GPC5: variants seen among roughly 807,000 people sequenced by gnomAD.
The protein encoded by GPC5 is glypican-5.
In GPC5, 47 loss-of-function variants were observed where a neutral mutation model predicts 53.9. The observed-to-expected ratio is 0.87, with a 90% CI of 0.69 to 1.11. GPC5 has a LOEUF of 1.11. Ranked by LOEUF, GPC5 falls within the 50% of genes most tolerant of loss-of-function variation. The pLI is 0.00. For synonymous variants in GPC5, 286 were observed against 263.3 expected, an observed-to-expected ratio of 1.09 and a Z score of -0.84; for missense variants, 748 against 713.1, an observed-to-expected ratio of 1.05 and a Z score of -0.56.
At chr13:92,753,169 G>T (rs930478641) in intron 7 of GPC5, among the ~76,000 whole-genome samples, 14 of 152,126 alleles carry the variant, frequency 9.2e-5, no homozygotes, top group African/African-American at 3.4e-4. Context: ...TCCTAAAGTG[G>T]GTCCCTGACC....
intron 2 of GPC5, among the ~76,000 whole-genome samples, chr13:91,459,872 A>G (rs576837622): frequency 7.2e-5 from 11 of 152,324 alleles, no homozygotes; most frequent in African/African-American, 2.6e-4. Context: ...ACAATTCTAC[A>G]CAACAAAACA....
At chr13:92,304,179 G>A (rs1172777891) in intron 7 of GPC5, among the ~76,000 whole-genome samples, 1 of 151,690 alleles carries the variant, frequency 6.6e-6, no homozygotes, top group East Asian at 1.9e-4. Flanking sequence ...TGTAATGCAA[G>A]GCTTTGATAT....
At chr13:92,389,180 A>G (rs536101512) in intron 7 of GPC5, among the ~76,000 whole-genome samples, 1 of 152,280 alleles carries the variant, frequency 6.6e-6, no homozygotes, top group African/African-American at 2.4e-5. Flanking sequence ...ATACTGTACA[A>G]AAGTCTTAGT....
chr13:92,265,922 T>C (rs1175732536), intron 7 of GPC5, among the ~76,000 whole-genome samples: 2 of 152,072 alleles, frequency 1.3e-5, no homozygotes, highest in South Asian at 4.2e-4. Flanking sequence ...TGCTACATCA[T>C]CCCCAAAGGT....
At chr13:91,800,622 G>A (rs2038119147) in intron 5 of GPC5, among the ~76,000 whole-genome samples, 1 of 152,054 alleles carries the variant, frequency 6.6e-6, no homozygotes, top group Non-Finnish European at 1.5e-5. Flanking sequence ...TACATAATAT[G>A]CTTAATCTCT....
At chr13:92,047,921 G>A (rs1166118978) in intron 6 of GPC5, among the ~76,000 whole-genome samples, 1 of 151,806 alleles carries the variant, frequency 6.6e-6, no homozygotes, top group East Asian at 1.9e-4. Context: ...AACCTGGAAG[G>A]CAGAGGTTGG....
chr13:91,919,155 T>C (rs981861262), intron 6 of GPC5, among the ~76,000 whole-genome samples: 5 of 152,206 alleles, frequency 3.3e-5, no homozygotes, highest in African/African-American at 1.2e-4. Flanking sequence ...ACTAATCCAT[T>C]ACTACAGTCT....
intron 5 of GPC5, among the ~76,000 whole-genome samples, chr13:91,871,351 TGA>T: frequency 6.6e-6 from 1 of 151,352 alleles, no homozygotes; most frequent in East Asian, 1.9e-4. Flanking sequence ...GGGGTCTACT[TGA>T]GAGAGGGGTG....
chr13:91,838,031 T>C (rs865915831), intron 5 of GPC5, among the ~76,000 whole-genome samples: 1 of 152,106 alleles, frequency 6.6e-6, no homozygotes, highest in African/African-American at 2.4e-5. Flanking sequence ...ATAGAATGCA[T>C]TCAACAGTCA....
intron 6 of GPC5, among the ~76,000 whole-genome samples, chr13:91,957,821 G>A (rs1594687357): frequency 6.6e-6 from 1 of 151,994 alleles, no homozygotes; most frequent in East Asian, 1.9e-4. Flanking sequence ...GCAGGAGGAT[G>A]ATATCTACCA....
intron 7 of GPC5, among the ~76,000 whole-genome samples, chr13:92,764,504 A>T (rs942124432): frequency 1.3e-5 from 2 of 152,180 alleles, no homozygotes; most frequent in Admixed American, 6.5e-5. Flanking sequence ...AAACTGCAGA[A>T]GTCCCCAGTG....
chr13:92,502,880 C>A (rs1466972656), intron 7 of GPC5, among the ~76,000 whole-genome samples: 1 of 151,936 alleles, frequency 6.6e-6, no homozygotes, highest in African/African-American at 2.4e-5. Context: ...CTGGACACAG[C>A]AGTGCATACA....
chr13:92,347,882 T>TTATATATATTATATATATAA lies in GPC5; in HGVS notation c.1561+202903_1561+202922dup, dbSNP rs1594119893. Among the ~76,000 whole-genome samples the TTATATATATTATATATATAA allele has an allele frequency of 7.9e-3, 18 of 2,270 alleles. 4 individuals carry two copies. The highest frequency in any genetic ancestry group is 9.7e-3 in the African/African-American group (3 of 310). The allele number at this position is 2,270 out of a possible 152,430, so 1.5% of individuals were successfully genotyped here. On this transcript the variant is annotated intron_variant, in intron 7 of 7. Coordinates refer to ENST00000377067, the MANE Select transcript of GPC5 (RefSeq NM_004466.6). Reference sequence around the variant, plus strand: ...ATATATATTATATATATAATATATATTATATATATTATATATATAATATAT... The same window carrying TTATATATATTATATATATAA: ...ATATATATTATATATATAATATATATTATATATATTATATATATAATATATATATTATATATATAATATAT...
At chr13:92,706,808 C>T (rs556378323) in intron 7 of GPC5, among the ~76,000 whole-genome samples, 1 of 152,232 alleles carries the variant, frequency 6.6e-6, no homozygotes, top group East Asian at 1.9e-4. Flanking sequence ...TTCAATGTTA[C>T]AGAATGAATG....
intron 6 of GPC5, among the ~76,000 whole-genome samples, chr13:92,028,161 A>G (rs904981892): frequency 2.9e-4 from 44 of 152,158 alleles, no homozygotes; most frequent in Non-Finnish European, 1.2e-4. Flanking sequence ...TTATATGATG[A>G]TTAACATTTT....
chr13:92,140,793 G>A (rs945333957), intron 6 of GPC5, among the ~76,000 whole-genome samples: 4 of 152,180 alleles, frequency 2.6e-5, no homozygotes, highest in African/African-American at 7.2e-5. Context: ...AATGACACAC[G>A]AATAGTGGAG....
chr13:92,476,360 G>C lies in GPC5; in HGVS notation c.1561+331371G>C, dbSNP rs574804660. ...CACAATGAGATACCATCTCACACCA[G>C]TTAGAATGGCAATCATTAAAAAGTC... On this transcript the variant is annotated intron_variant, in intron 7 of 7. Transcript: ENST00000377067. Among the ~76,000 whole-genome samples, 497 of 151,760 alleles carry C rather than the reference G, an allele frequency of 3.3e-3. 5 individuals are homozygous for C. The highest frequency in any genetic ancestry group is 0.01 in the Middle Eastern group (3 of 294).
Position 91,414,707 on chromosome 13 carries a change from G to A in GPC5, c.163+15498G>A, listed in dbSNP as rs531269677. On this transcript the variant is annotated intron_variant, in intron 1 of 7. Coordinates refer to ENST00000377067, the MANE Select transcript of GPC5 (RefSeq NM_004466.6). ...TCTGCTGCAGAGTGATTTGCTTCAC[G>A]TAACAGAAAATATGACTGCTATAAC... 5.9e-5 allele frequency among the ~76,000 whole-genome samples: 9 copies of A among 152,306 alleles called. No homozygotes were observed. The South Asian group carries it at 1.0e-3, about 18-fold the overall frequency.
intron 7 of GPC5, among the ~76,000 whole-genome samples, chr13:92,589,094 A>T (rs1883636195): frequency 6.6e-6 from 1 of 152,194 alleles, no homozygotes; most frequent in Non-Finnish European, 1.5e-5. Context: ...CAACTCAGTG[A>T]AGTAAATGTT....
Sources: gnomAD v4.1 joint callset for allele counts (sites outside exome capture counted in the v4.1 genomes callset) on GRCh38, gnomAD v4.1.1 for gene constraint, MANE v1.5 for transcripts, NCBI Gene and HGNC (gene_info 2026-07-23, HGNC 2026-07-21) for gene names.